Variants in ADTRP observed in about 807,000 individuals in gnomAD.
The protein encoded by ADTRP is androgen dependent TFPI regulating protein, also known as androgen-dependent TFPI-regulating protein.
ADTRP carries 20 observed loss-of-function variants against 27.0 expected under a neutral mutation model. That is an observed-to-expected ratio of 0.74 (90% confidence interval 0.52 to 1.08). The LOEUF is 1.08. Among genes scored for constraint, ADTRP ranks in the 50% least tolerant of loss-of-function variants. The pLI, the probability that ADTRP is intolerant of heterozygous loss-of-function variation, is 0.00. For synonymous variants in ADTRP, 101 were observed against 105.2 expected (o/e 0.96, Z 0.25); for missense variants, 251 against 275.0 (o/e 0.91, Z 0.62).
chr6:11,763,746 C>A (rs946545745), intron 3 of ADTRP, among the ~76,000 whole-genome samples: 2 of 152,122 alleles, frequency 1.3e-5, no homozygotes, highest in African/African-American at 4.8e-5. Flanking sequence ...AGGCAATAGG[C>A]CAAGAACATT....
At chr6:11,754,552 G>C (rs1454863832) in intron 3 of ADTRP, among the ~76,000 whole-genome samples, 1 of 152,158 alleles carries the variant, frequency 6.6e-6, no homozygotes, top group Non-Finnish European at 1.5e-5. Context: ...ACTATCAAGA[G>C]GACTACCAGG....
chr6:11,774,474 G>A (rs1283537838), intron 1 of ADTRP, among the ~76,000 whole-genome samples: 3 of 152,116 alleles, frequency 2.0e-5, no homozygotes, highest in African/African-American at 7.2e-5. Flanking sequence ...CAGCTCCTCT[G>A]TTCCCCCAGC....
At chr6:11,770,795 A>G (rs1460195954) in intron 1 of ADTRP, among the ~76,000 whole-genome samples, 1 of 152,056 alleles carries the variant, frequency 6.6e-6, no homozygotes, top group Non-Finnish European at 1.5e-5. Context: ...CTCCCCCACC[A>G]GTAGCCTCGC....
intron 1 of ADTRP, among the ~76,000 whole-genome samples, chr6:11,777,924 C>G (rs1764011674): frequency 6.6e-6 from 1 of 152,166 alleles, no homozygotes; most frequent in African/African-American, 2.4e-5. Flanking sequence ...TAAGCTATTC[C>G]TCAAAGTATT....
At chr6:11,726,060 A>G (rs1022848648) in intron 4 of ADTRP, among the ~76,000 whole-genome samples, 2 of 152,216 alleles carry the variant, frequency 1.3e-5, no homozygotes, top group African/African-American at 4.8e-5. Context: ...ATAGGCATTA[A>G]GAAGGAAGAA....
chr6:11,769,997 C>T (rs751375131), intron 1 of ADTRP: 6 of 1,550,540 alleles, frequency 3.9e-6, no homozygotes, highest in South Asian at 3.6e-5. Flanking sequence ...TAGACTCCCC[C>T]GCCCACCACC....
At chr6:11,762,359 G>A (rs1320010287) in intron 3 of ADTRP, among the ~76,000 whole-genome samples, 1 of 152,214 alleles carries the variant, frequency 6.6e-6, no homozygotes, top group African/African-American at 2.4e-5. Context: ...TCAACTTCGT[G>A]TGTGTACATT....
chr6:11,770,452 G>A (rs1231406613), intron 1 of ADTRP, among the ~76,000 whole-genome samples: 1 of 152,138 alleles, frequency 6.6e-6, no homozygotes, highest in Non-Finnish European at 1.5e-5. Context: ...AGGGAGAGAG[G>A]AGAGGGGAGA....
chr6:11,716,724 T>TCTTTTTTTC (rs3069336), intron 5 of ADTRP, among the ~76,000 whole-genome samples: 1 of 142,132 alleles, frequency 7.0e-6, no homozygotes, highest in East Asian at 2.0e-4. Flanking sequence ...TTTTTCTTTT[T>TCTTTTTTTC]TTTTTTTTGA....
intron 3 of ADTRP, among the ~76,000 whole-genome samples, chr6:11,758,642 A>G (rs1338658224): frequency 3.3e-5 from 5 of 150,900 alleles, no homozygotes; most frequent in South Asian, 2.1e-4. Context: ...TGGGTGCAGC[A>G]CACCAACATG....
chr6:11,723,343 AC>A lies in ADTRP; in HGVS notation c.658+5del. The A allele has an allele frequency of 1.2e-6, 2 of 1,614,016 alleles. No individual in the cohort carries two copies. The highest frequency in any genetic ancestry group is 2.2e-5 in the South Asian group (2 of 91,054). Reference sequence around the variant, plus strand: ...GCATCTGTAGCTAAGAAAGAAATACACTGACCCCATTTCCAGTGGTTGAGCT... The same window carrying A: ...GCATCTGTAGCTAAGAAAGAAATACATGACCCCATTTCCAGTGGTTGAGCT... On this transcript the variant is annotated splice_donor_5th_base_variant and intron_variant, in intron 5 of 5. Coordinates refer to ENST00000414691, the MANE Select transcript of ADTRP (RefSeq NM_032744.4).
intron 4 of ADTRP, among the ~76,000 whole-genome samples, chr6:11,735,004 G>A (rs568610025): frequency 1.7e-4 from 25 of 145,206 alleles, no homozygotes; most frequent in Admixed American, 2.8e-4. Context: ...ATTGGGCAGC[G>A]TTTCTGAAAA....
chr6:11,720,939 G>A (rs138838733), intron 5 of ADTRP, among the ~76,000 whole-genome samples: 1 of 152,252 alleles, frequency 6.6e-6, no homozygotes, highest in African/African-American at 2.4e-5. Flanking sequence ...ATATTCTATT[G>A]TCTGCACTGA....
Position 11,766,291 on chromosome 6 carries a change from A to ACACGGGGATGACAG in ADTRP, c.359_372dup (p.Trp125LeufsTer7). 2 of 1,612,070 alleles carry ACACGGGGATGACAG rather than the reference A, an allele frequency of 1.2e-6. No homozygotes were observed. The highest frequency in any genetic ancestry group is 1.7e-6 in the Non-Finnish European group (2 of 1,178,868). Reference sequence around the variant, plus strand: ...TCACTCACCATTGCATGATTCAGCCACACGGGGATGACAGTATCTAGGACC... The same window carrying ACACGGGGATGACAG: ...TCACTCACCATTGCATGATTCAGCCACACGGGGATGACAGCACGGGGATGACAGTATCTAGGACC... On this transcript the variant is annotated frameshift_variant, in exon 3 of 6. Transcript: ENST00000414691. LOFTEE classifies it high-confidence loss of function.
At chr6:11,775,269 C>T (rs1763915747) in intron 1 of ADTRP, among the ~76,000 whole-genome samples, 1 of 152,154 alleles carries the variant, frequency 6.6e-6, no homozygotes, top group African/African-American at 2.4e-5. Flanking sequence ...TCACCATCAC[C>T]TCCCCATCTT....
intron 3 of ADTRP, among the ~76,000 whole-genome samples, chr6:11,763,632 G>A (rs1763461789): frequency 6.6e-6 from 1 of 152,236 alleles, no homozygotes; most frequent in Non-Finnish European, 1.5e-5. Context: ...GTCATGGACA[G>A]GCACTGGCAA....
intron 4 of ADTRP, among the ~76,000 whole-genome samples, chr6:11,732,073 C>G (rs968741372): frequency 1.3e-5 from 2 of 152,110 alleles, no homozygotes; most frequent in Non-Finnish European, 2.9e-5. Context: ...CTAATGCTTT[C>G]CAAAGGAAAT....
rs146593918 is a variant in ADTRP, at chr6:11,763,585, T to C, written c.390+2689A>G. Among the ~76,000 whole-genome samples the C allele has an allele frequency of 6.8e-3, 1,032 of 152,310 alleles. 26 individuals are homozygous for C. The highest frequency in any genetic ancestry group is 0.045 in the Admixed American group (689 of 15,298). ...CCCGTCATTACTCTGGCTGCCATAG[T>C]GGTGATTTCCCAGAATTGTATTCCT... On this transcript the variant is annotated intron_variant, in intron 3 of 5. Transcript: ENST00000414691.
At chr6:11,714,552 C>T (rs1761750746) in intron 5 of ADTRP, 40 bp from the exon 6 acceptor site, 1 of 1,598,304 alleles carries the variant, frequency 6.3e-7, no homozygotes, top group East Asian at 2.2e-5. Flanking sequence ...AGGCTTCAGG[C>T]TTTCCCTAAT....
Sources: allele counts gnomAD v4.1 joint callset (sites outside exome capture counted in the v4.1 genomes callset), GRCh38; gene constraint gnomAD v4.1.1; transcripts MANE v1.5; gene names NCBI Gene and HGNC (gene_info 2026-07-23, HGNC 2026-07-21).